ARL15: variants seen among roughly 807,000 people sequenced by gnomAD.
ARL15 encodes ARF like GTPase 15.
In ARL15, 19 loss-of-function variants were observed where a neutral mutation model predicts 25.2. The observed-to-expected ratio is 0.75, with a 90% CI of 0.53 to 1.10. The LOEUF is 1.10. Ranked by LOEUF, ARL15 falls within the 50% of genes least tolerant of loss-of-function variation. The probability of loss-of-function intolerance (pLI) is 0.00; values close to 1 mark genes in which losing one functional copy is unlikely to be tolerated. For synonymous variants in ARL15, 94 were observed against 86.8 expected (o/e 1.08, Z -0.46); for missense variants, 220 against 246.0 (o/e 0.89, Z 0.71).
At position 54,184,615 on chromosome 5, in the gene ARL15, CAAAAA is replaced by C. The variant is rs5867920; in HGVS notation, c.49-12692_49-12688del. ...GAACTGAAGCTAGAAAGGCTTATAACAAAAAAAAAAAAAAAAAAAGGAAAACAAAC... is the reference window on the plus strand; with the variant it reads ...GAACTGAAGCTAGAAAGGCTTATAACAAAAAAAAAAAAAAGGAAAACAAAC... On this transcript the variant is annotated intron_variant, in intron 1 of 4. Transcript: ENST00000504924. Among the ~76,000 whole-genome samples, 236 of 121,626 alleles carry C rather than the reference CAAAAA, an allele frequency of 1.9e-3. 1 individual carries two copies. Among genetic ancestry groups the C allele is most frequent in the Admixed American group, 3.0e-3 (36 of 12,186 alleles). The allele number at this position is 121,626 out of a possible 152,430, so 79.8% of individuals were successfully genotyped here. A position where few individuals can be genotyped will look rare whatever the true frequency, so the allele number is the denominator to read the frequency against.
At chr5:54,017,692 G>C (rs1561190559) in intron 4 of ARL15, among the ~76,000 whole-genome samples, 1 of 151,768 alleles carries the variant, frequency 6.6e-6, no homozygotes, top group Non-Finnish European at 1.5e-5. Context: ...ATGAGCCAGA[G>C]GCAGTAACCA....
At chr5:54,028,511 T>TA (rs71598893) in intron 4 of ARL15, among the ~76,000 whole-genome samples, 37,842 of 144,854 alleles carry the variant, frequency 0.26, 5,362 homozygotes, top group East Asian at 0.44. Flanking sequence ...TTTAGTAAAT[T>TA]AAAAAAAAAA....
At chr5:53,956,225 A>T (rs1747150137) in intron 4 of ARL15, among the ~76,000 whole-genome samples, 1 of 151,980 alleles carries the variant, frequency 6.6e-6, no homozygotes, top group Non-Finnish European at 1.5e-5. Context: ...GCTATCAGAG[A>T]CCACATATGA....
chr5:54,149,353 T>C (rs1400742004), intron 3 of ARL15, among the ~76,000 whole-genome samples: 4 of 151,674 alleles, frequency 2.6e-5, no homozygotes, highest in African/African-American at 2.4e-5. Flanking sequence ...TTTAAACAGG[T>C]GTAATATCTT....
intron 4 of ARL15, among the ~76,000 whole-genome samples, chr5:54,071,039 A>G (rs1440909786): frequency 6.6e-6 from 1 of 150,732 alleles, no homozygotes; most frequent in African/African-American, 2.4e-5. Context: ...GGGTGGTGGC[A>G]CATGCCTGCA....
At chr5:53,947,584 C>T (rs788512) in intron 4 of ARL15, among the ~76,000 whole-genome samples, 8,889 of 152,204 alleles carry the variant, frequency 0.058, 361 homozygotes, top group Middle Eastern at 0.099. Context: ...ATCCTACCAA[C>T]AACTGGGATT....
At chr5:54,300,416 A>T (rs35948) in intron 1 of ARL15, among the ~76,000 whole-genome samples, 31,513 of 152,188 alleles carry the variant, frequency 0.21, 3,435 homozygotes, top group East Asian at 0.33. Flanking sequence ...CCCAGCTCAG[A>T]TGCCAGGCAT....
At chr5:53,910,537 T>C (rs1272681181) in intron 4 of ARL15, among the ~76,000 whole-genome samples, 1 of 150,828 alleles carries the variant, frequency 6.6e-6, no homozygotes, top group Non-Finnish European at 1.5e-5. Flanking sequence ...GACGAGTTAA[T>C]GGGTGCAGCA....
chr5:54,039,099 G>A (rs770844007), intron 4 of ARL15, among the ~76,000 whole-genome samples: 2 of 152,168 alleles, frequency 1.3e-5, no homozygotes, highest in Non-Finnish European at 1.5e-5. Context: ...GGGAAGAGTT[G>A]CCACTTGTCC....
chr5:53,925,815 A>T (rs1043114211), intron 4 of ARL15, among the ~76,000 whole-genome samples: 12 of 152,198 alleles, frequency 7.9e-5, no homozygotes, highest in African/African-American at 2.6e-4. Context: ...CTTTAAAAAA[A>T]ACCAAAATAA....
chr5:54,266,269 A>G (rs982071763), intron 1 of ARL15, among the ~76,000 whole-genome samples: 2 of 152,202 alleles, frequency 1.3e-5, no homozygotes, highest in Admixed American at 1.3e-4. Context: ...TGGAAATGAG[A>G]GCAGACCTCT....
chr5:54,022,243 G>T lies in ARL15; in HGVS notation c.462+90959C>A, dbSNP rs557477766. On this transcript the variant is annotated intron_variant, in intron 4 of 4. Coordinates refer to ENST00000504924, the MANE Select transcript of ARL15 (RefSeq NM_019087.3). ...GCAAAAATACGCGTAAGTATTATTG[G>T]GGCTCAGGAAACAATGTCCCAAAGT... Among the ~76,000 whole-genome samples, 19 of 152,120 alleles carry T rather than the reference G, an allele frequency of 1.2e-4. No individual in the cohort carries two copies. In the South Asian group the frequency reaches 3.9e-3, roughly 32 times the overall value.
At chr5:54,157,894 A>C (rs1754290006) in intron 2 of ARL15, among the ~76,000 whole-genome samples, 1 of 152,238 alleles carries the variant, frequency 6.6e-6, no homozygotes, top group Non-Finnish European at 1.5e-5. Flanking sequence ...CAAAGTCTAG[A>C]TAGACTGATT....
At chr5:54,081,171 T>C (rs1411580558) in intron 4 of ARL15, among the ~76,000 whole-genome samples, 1 of 152,204 alleles carries the variant, frequency 6.6e-6, no homozygotes, top group Non-Finnish European at 1.5e-5. Flanking sequence ...AAAAATTATG[T>C]CCTATGTCAT....
intron 4 of ARL15, among the ~76,000 whole-genome samples, chr5:54,041,994 G>A (rs576965946): frequency 3.6e-4 from 53 of 149,282 alleles, no homozygotes; most frequent in Non-Finnish European, 6.8e-4. Flanking sequence ...TTTTTGAGAC[G>A]GAGTCTCGCT....
At chr5:54,155,565 A>G (rs770813282) in intron 2 of ARL15, among the ~76,000 whole-genome samples, 17 of 152,204 alleles carry the variant, frequency 1.1e-4, no homozygotes, top group Non-Finnish European at 1.8e-4. Flanking sequence ...GTTTTATATT[A>G]TAAGAAAATA....
chr5:54,234,178 A>G (rs940367475), intron 1 of ARL15, among the ~76,000 whole-genome samples: 1 of 151,922 alleles, frequency 6.6e-6, no homozygotes, highest in Admixed American at 6.6e-5. Context: ...TTATTTTTGT[A>G]GAGATGGGGT....
intron 1 of ARL15, among the ~76,000 whole-genome samples, chr5:54,180,930 G>C (rs975648552): frequency 1.3e-5 from 2 of 152,184 alleles, no homozygotes; most frequent in African/African-American, 4.8e-5. Context: ...GAATGGAAGA[G>C]AGTGCTGCTG....
intron 4 of ARL15, among the ~76,000 whole-genome samples, chr5:53,974,154 A>C (rs1312729102): frequency 2.6e-5 from 4 of 152,198 alleles, no homozygotes; most frequent in African/African-American, 9.7e-5. Flanking sequence ...ACCCTTTAGC[A>C]AGCTACTGTC....
Sources: allele counts gnomAD v4.1 joint callset (sites outside exome capture counted in the v4.1 genomes callset), GRCh38; gene constraint gnomAD v4.1.1; transcripts MANE v1.5; gene names NCBI Gene and HGNC (gene_info 2026-07-23, HGNC 2026-07-21).